HDAC9: variants seen among roughly 807,000 people sequenced by gnomAD.
HDAC9 encodes the protein histone deacetylase 9.
In HDAC9, 41 loss-of-function variants were observed where a neutral mutation model predicts 139.4. The observed-to-expected ratio is 0.29, with a 90% CI of 0.23 to 0.38. The LOEUF is 0.38. HDAC9 is among the 10% of genes least tolerant of loss of function. HDAC9 has a pLI of 1.00. For missense variants in HDAC9, 1,147 were observed against 1,297.0 expected, an observed-to-expected ratio of 0.88 and a Z score of 1.78; for synonymous variants, 517 against 476.2, an observed-to-expected ratio of 1.09 and a Z score of -1.12.
intron 24 of HDAC9, among the ~76,000 whole-genome samples, chr7:18,961,012 G>T (rs1189419986): frequency 6.6e-6 from 1 of 152,108 alleles, no homozygotes; most frequent in Non-Finnish European, 1.5e-5. Context: ...CTAGCTTCTT[G>T]ACTGCACACC....
At chr7:18,967,762 T>A (rs1783970791) in intron 24 of HDAC9, among the ~76,000 whole-genome samples, 1 of 152,096 alleles carries the variant, frequency 6.6e-6, no homozygotes, top group Non-Finnish European at 1.5e-5. Flanking sequence ...ATTCTACCAA[T>A]GAAAATCTAA....
chr7:18,417,357 T>C (rs979652018), intron 1 of HDAC9, among the ~76,000 whole-genome samples: 29 of 152,224 alleles, frequency 1.9e-4, no homozygotes, highest in African/African-American at 7.0e-4. Context: ...TTAATATCTT[T>C]GTCTGCTATT....
intron 1 of HDAC9, among the ~76,000 whole-genome samples, chr7:18,301,361 C>T (rs1194842378): frequency 6.6e-6 from 1 of 151,992 alleles, no homozygotes; most frequent in East Asian, 1.9e-4. Flanking sequence ...TATGATAGAG[C>T]AGGACATTGT....
intron 12 of HDAC9, among the ~76,000 whole-genome samples, chr7:18,711,433 C>T (rs1784336992): frequency 6.6e-6 from 1 of 152,160 alleles, no homozygotes; most frequent in Non-Finnish European, 1.5e-5. Flanking sequence ...CAAATAAGCT[C>T]ATATTAGTTT....
Position 18,510,726 on chromosome 7 carries a change from A to T in HDAC9, c.22+14402A>T, listed in dbSNP as rs186108806. On this transcript the variant is annotated intron_variant, in intron 2 of 25. Coordinates refer to ENST00000686413, the MANE Select transcript of HDAC9 (RefSeq NM_178425.4). ...TAATTTGAAAAATTATCTAAAGTAAAATGTCAGAATAAGGAGTTAACATAG... is the reference window on the plus strand; with the variant it reads ...TAATTTGAAAAATTATCTAAAGTAATATGTCAGAATAAGGAGTTAACATAG... Among the ~76,000 whole-genome samples the T allele has an allele frequency of 1.2e-3, 177 of 152,286 alleles. 1 individual carries two copies. The highest frequency in any genetic ancestry group is 4.2e-3 in the African/African-American group (173 of 41,566).
chr7:18,188,293 T>A (rs1178330436), intron 2 of HDAC9, among the ~76,000 whole-genome samples: 2 of 152,066 alleles, frequency 1.3e-5, no homozygotes, highest in Non-Finnish European at 2.9e-5. Context: ...ACTGGCTAGC[T>A]ATATGCAGAA....
At chr7:18,835,702 T>G (rs1796188252) in intron 20 of HDAC9, 116 bp downstream of exon 20, 2 of 1,395,658 alleles carry the variant, frequency 1.4e-6, no homozygotes, top group Non-Finnish European at 2.0e-6. Context: ...ACGAGATTAC[T>G]GAATTGTCCC....
At chr7:18,136,130 A>G (rs1353852246) in intron 1 of HDAC9, among the ~76,000 whole-genome samples, 2,036 of 148,636 alleles carry the variant, frequency 0.014, 25 homozygotes, top group African/African-American at 0.049. Context: ...CATGTCCTTC[A>G]CCCACTTTTT....
chr7:18,667,699 G>A (rs1795207858), intron 12 of HDAC9: 1 of 984,754 alleles, frequency 1.0e-6, no homozygotes, highest in East Asian at 1.1e-4. Context: ...AGGAATGTAG[G>A]AAAAAAAATC....
At chr7:18,830,063 G>T (rs1312175658) in intron 19 of HDAC9, among the ~76,000 whole-genome samples, 1 of 152,160 alleles carries the variant, frequency 6.6e-6, no homozygotes, top group African/African-American at 2.4e-5. Flanking sequence ...AACCCTGAGT[G>T]ACTGAAAGTT....
chr7:18,767,144 G>T lies in HDAC9; in HGVS notation c.2203G>T (p.Gly735Cys). ...AAAGTTTTTTTCCTCATTACCTTGTGGTGGACTTGGGGTAAGTACAAGTTG... is the reference window on the plus strand; with the variant it reads ...AAAGTTTTTTTCCTCATTACCTTGTTGTGGACTTGGGGTAAGTACAAGTTG... ...SQKFFSSLPC[G>C]GLGVDSDTIW... is the part of the protein sequence containing the mutation. Residue 735 changes from glycine to cysteine, a missense_variant, in exon 16 of 26, where the codon GGT (glycine) becomes TGT (cysteine). Physicochemically the swap from Gly to Cys is radical, Grantham distance 159. Around this residue, in one of 7 missense-constraint regions of HDAC9, gnomAD observed 407 missense variants for 521.5 expected, o/e 0.78. Coordinates refer to ENST00000686413, the MANE Select transcript of HDAC9 (RefSeq NM_178425.4). The T allele has an allele frequency of 6.3e-7, 1 of 1,575,864 alleles. No homozygotes were observed. The highest frequency in any genetic ancestry group is 8.6e-7 in the Non-Finnish European group (1 of 1,156,466).
At chr7:18,871,243 T>A (rs912017804) in intron 21 of HDAC9, among the ~76,000 whole-genome samples, 2 of 152,162 alleles carry the variant, frequency 1.3e-5, no homozygotes, top group African/African-American at 4.8e-5. Context: ...GGTTCACATG[T>A]CCTGTTGACA....
At chr7:18,253,021 T>C (rs1338435011) in intron 2 of HDAC9, among the ~76,000 whole-genome samples, 1 of 152,232 alleles carries the variant, frequency 6.6e-6, no homozygotes, top group East Asian at 1.9e-4. Flanking sequence ...TGGTTTTCTG[T>C]TCCTGCATTA....
chr7:18,543,309 C>A (rs1813627040), intron 2 of HDAC9: 1 of 152,074 alleles, frequency 6.6e-6, no homozygotes, highest in African/African-American at 2.4e-5. Context: ...ATGTGGAGAC[C>A]CAAAATGGCT....
At chr7:18,937,375 T>C (rs1312723256) in intron 23 of HDAC9, among the ~76,000 whole-genome samples, 1 of 152,084 alleles carries the variant, frequency 6.6e-6, no homozygotes, top group African/African-American at 2.4e-5. Flanking sequence ...ACTCAAAGGA[T>C]GTAATTATCT....
At chr7:18,245,597 A>G (rs1794472336) in intron 2 of HDAC9, among the ~76,000 whole-genome samples, 2 of 152,192 alleles carry the variant, frequency 1.3e-5, no homozygotes, top group Admixed American at 1.3e-4. Flanking sequence ...TAATCACTCA[A>G]AAAGGCTAAC....
chr7:18,866,869 G>A (rs1238331770), intron 21 of HDAC9, among the ~76,000 whole-genome samples: 1 of 152,110 alleles, frequency 6.6e-6, no homozygotes, highest in African/African-American at 2.4e-5. Flanking sequence ...TTCAACTTAA[G>A]GACAACACTT....
At chr7:18,218,055 G>T (rs1423373563) in intron 2 of HDAC9, among the ~76,000 whole-genome samples, 3 of 152,128 alleles carry the variant, frequency 2.0e-5, no homozygotes, top group South Asian at 2.1e-4. Context: ...AAAGATGTTG[G>T]TTTTTTTGCC....
At chr7:18,756,197 A>G (rs894937182) in intron 14 of HDAC9, among the ~76,000 whole-genome samples, 12 of 152,190 alleles carry the variant, frequency 7.9e-5, no homozygotes, top group Non-Finnish European at 4.4e-5. Context: ...CAGAAACACA[A>G]CTTCTTAACA....
Sources: allele counts gnomAD v4.1 joint callset (sites outside exome capture counted in the v4.1 genomes callset), GRCh38; gene constraint gnomAD v4.1.1; regional missense constraint gnomAD v4.1.1; transcripts MANE v1.5; gene names NCBI Gene and HGNC (gene_info 2026-07-23, HGNC 2026-07-21).